The following MIA3 variants were observed in gnomAD, a reference collection of about 807,000 sequenced individuals.
MIA3 encodes transport and Golgi organization protein 1 homolog.
MIA3 carries 90 observed loss-of-function variants against 192.4 expected under a neutral mutation model. The ratio of observed to expected loss-of-function variants is 0.47; its 90% confidence interval spans 0.39 to 0.56. The LOEUF is 0.56. Among genes scored for constraint, MIA3 ranks in the 20% least tolerant of loss-of-function variants. The pLI is 0.00. For missense variants in MIA3, 2,123 were observed against 2,269.4 expected (o/e 0.94, Z 1.31); for synonymous variants, 740 against 792.8 (o/e 0.93, Z 1.12).
rs192437452 is a variant in MIA3 at position 222,658,869 on chromosome 1, T to G, written c.4709+46T>G. The stretch of plus-strand genomic sequence containing the variant: ...GGGTATCAGTGGCTAATGAAACTAG[T>G]GTTGGCTTTTTTTATTAGCACAAAA... On this transcript the variant is annotated intron_variant, in intron 19 of 27. Coordinates refer to ENST00000344922, the MANE Select transcript of MIA3 (RefSeq NM_198551.4). 20 of 1,311,710 alleles carry G rather than the reference T, an allele frequency of 1.5e-5. No homozygotes were observed. In the African/African-American group the frequency reaches 1.9e-4, roughly 13 times the overall value. The allele number at this position is 1,311,710 out of a possible 1,614,324, so 81.3% of individuals were successfully genotyped here.
At chr1:222,635,089 A>T (rs1410569681) in intron 6 of MIA3, among the ~76,000 whole-genome samples, 2 of 152,228 alleles carry the variant, frequency 1.3e-5, no homozygotes, top group African/African-American at 4.8e-5. Context: ...ATGGAAAACA[A>T]GTAGGAAAAC....
intron 4 of MIA3, 113 bp from the exon 5 acceptor site, chr1:222,632,052 G>A: frequency 3.7e-6 from 3 of 812,946 alleles, no homozygotes; most frequent in African/African-American, 1.7e-5. Context: ...TGTGCTCCAT[G>A]GGATGCCCAT....
intron 2 of MIA3, among the ~76,000 whole-genome samples, chr1:222,623,949 A>G (rs1661992527): frequency 6.6e-6 from 1 of 152,256 alleles, no homozygotes; most frequent in Non-Finnish European, 1.5e-5. Context: ...TACCTGTAAT[A>G]TCGTTTTGGA....
chr1:222,645,679 C>A lies in MIA3; in HGVS notation c.3603C>A (p.Val1201=), dbSNP rs1663104283. ...ASFAIFLWRT[V]LVVKDRVYQV... Reference sequence around the variant, plus strand: ...TTGCCATTTTCTTATGGAGAACTGTCCTTGTTGTGAGTAAATTAATGCATA... The same window carrying A: ...TTGCCATTTTCTTATGGAGAACTGTACTTGTTGTGAGTAAATTAATGCATA... The change falls in exon 7 of 28, where the codon GTC becomes GTA. Residue 1201 remains valine (V), a synonymous_variant. Transcript: ENST00000344922. 2 of 1,613,380 alleles carry A rather than the reference C, an allele frequency of 1.2e-6. No homozygotes were observed. Among genetic ancestry groups the A allele is most frequent in the East Asian group, 4.5e-5 (2 of 44,806 alleles).
rs1404076731 is a variant in MIA3, at chr1:222,621,200, C to G, written c.175C>G (p.Pro59Ala). The G allele has an allele frequency of 6.2e-7, 1 of 1,613,546 alleles. No individual in the cohort carries two copies. The highest frequency in any genetic ancestry group is 8.5e-7 in the Non-Finnish European group (1 of 1,179,814). ...RGEALEDFTG[P>A]DCRFVNFKKG... ...TGAGGCTCTTGAAGATTTCACAGGC[C>G]CGGATTGTCGTTTTGTGAATTTTAA... The change falls in exon 2 of 28, where the codon CCG (proline) becomes GCG (alanine). Residue 59 changes from proline to alanine, a missense_variant. By Grantham distance (27) the Pro-to-Ala change is conservative. Coordinates refer to ENST00000344922, the MANE Select transcript of MIA3 (RefSeq NM_198551.4).
intron 18 of MIA3, among the ~76,000 whole-genome samples, chr1:222,658,242 GT>G (rs1275078956): frequency 6.6e-6 from 1 of 152,212 alleles, no homozygotes; most frequent in Non-Finnish European, 1.5e-5. Context: ...TAATTGTACA[GT>G]TAAGGACATG....
In MIA3 at chr1:222,666,940, A is replaced by G. The variant is rs901498152; in HGVS notation, c.*1321A>G. 1.3e-5 allele frequency: 2 copies of G among 152,194 alleles called. No individual in the cohort carries two copies. Among genetic ancestry groups the G allele is most frequent in the East Asian group, 1.9e-4 (1 of 5,196 alleles). The allele number at this position is 152,194 out of a possible 1,614,324, so 9.4% of individuals were successfully genotyped here. ...TTTTAAGGAGTTTCAGATCCACACT[A>G]AAACTAAAATCATAAAAGGCTGATA... On this transcript the variant is annotated 3_prime_UTR_variant, in exon 28 of 28. Coordinates refer to ENST00000344922, the MANE Select transcript of MIA3 (RefSeq NM_198551.4).
intron 6 of MIA3, chr1:222,641,514 G>T: frequency 2.0e-6 from 1 of 496,656 alleles, no homozygotes; most frequent in Admixed American, 2.1e-5. Context: ...TGGAGAGCTG[G>T]TGGATTTTCT....
At chr1:222,662,180 A>AT (rs554532489) in intron 25 of MIA3, 56 bp downstream of exon 25, 1,169 of 1,470,052 alleles carry the variant, frequency 8.0e-4, no homozygotes, top group Admixed American at 2.2e-3. Context: ...TGGGGAGAGG[A>AT]TTTTTTTTTT....
chr1:222,662,795 T>A (rs1450411926), intron 26 of MIA3: 1 of 163,884 alleles, frequency 6.1e-6, no homozygotes, highest in East Asian at 1.7e-4. Context: ...ATTGTGTAAT[T>A]CATTATTATG....
intron 7 of MIA3, 50 bp from the exon 8 acceptor site, chr1:222,648,779 C>G (rs1366693376): frequency 9.9e-7 from 1 of 1,008,930 alleles, no homozygotes; most frequent in African/African-American, 1.6e-5. Flanking sequence ...CTATATACAT[C>G]TATTAATAAA....
Position 222,666,537 on chromosome 1 carries a change from C to T in MIA3, c.*918C>T, listed in dbSNP as rs909923367. 6.6e-6 allele frequency: 1 copy of T among 151,954 alleles called. No individual in the cohort carries two copies. The highest frequency in any genetic ancestry group is 1.5e-5 in the Non-Finnish European group (1 of 68,004). 9.4% of individuals were successfully genotyped at this position (151,954 alleles called of 1,614,324 possible). A position where few individuals can be genotyped will look rare whatever the true frequency, so the allele number is the denominator to read the frequency against. On this transcript the variant is annotated 3_prime_UTR_variant, in exon 28 of 28. Coordinates refer to ENST00000344922, the MANE Select transcript of MIA3 (RefSeq NM_198551.4). The stretch of plus-strand genomic sequence containing the variant: ...CTTTAAAAATTTTAAAATGTACAGT[C>T]CCTTATCTATCTTTCCCATTCCTTG...
intron 1 of MIA3, among the ~76,000 whole-genome samples, chr1:222,619,113 A>G (rs1405947681): frequency 6.6e-6 from 1 of 152,164 alleles, no homozygotes; most frequent in Non-Finnish European, 1.5e-5. Flanking sequence ...TGGGCGGTGG[A>G]GAGGGCACAG....
In MIA3 at chr1:222,663,312, G is replaced by A. The variant is rs902216763; in HGVS notation, c.5263-686G>A. On this transcript the variant is annotated intron_variant, in intron 26 of 27. Coordinates refer to ENST00000344922, the MANE Select transcript of MIA3 (RefSeq NM_198551.4). ...TCCAAGAGCAGCTTGGATAAGACCC[G>A]AGACCCCTTTGAAGTAGGAGACTTC... is the stretch of plus-strand genomic sequence containing the variant. Among the ~76,000 whole-genome samples the A allele has an allele frequency of 4.6e-5, 7 of 152,096 alleles. No homozygotes were observed. The South Asian group carries it at 1.5e-3, about 32-fold the overall frequency.
intron 18 of MIA3, among the ~76,000 whole-genome samples, chr1:222,657,964 A>T (rs1663821607): frequency 6.6e-6 from 1 of 152,248 alleles, no homozygotes; most frequent in African/African-American, 2.4e-5. Flanking sequence ...TGAGTAAAGA[A>T]GTACAAGGGT....
At position 222,659,543 on chromosome 1, in the gene MIA3, G is replaced by A. The variant is rs755067352; in HGVS notation, c.4770+30G>A. ...TAATTCTAGTGCCCTACTATATAGT[G>A]CCCGGAATTCTTTGATAACTAATAG... On this transcript the variant is annotated intron_variant, in intron 20 of 27. Coordinates refer to ENST00000344922, the MANE Select transcript of MIA3 (RefSeq NM_198551.4). The A allele has an allele frequency of 2.5e-6, 4 of 1,610,702 alleles. No homozygotes were observed. In the Admixed American group the frequency reaches 6.7e-5, roughly 27 times the overall value.
In MIA3 at chr1:222,628,112, T is replaced by G; in HGVS notation, c.892T>G (p.Ser298Ala). ...TGATGAGACAACCAGACTCGTTACTTCATTAGAAGATGATTTTGATGAGGA... is the reference window on the plus strand; with the variant it reads ...TGATGAGACAACCAGACTCGTTACTGCATTAGAAGATGATTTTGATGAGGA... ...SDDETTRLVT[S>A]LEDDFDEELD... The change falls in exon 4 of 28, where the codon TCA becomes GCA. Residue 298 changes from serine (S) to alanine (A), a missense_variant. By Grantham distance (99) the Ser-to-Ala change is moderately conservative. This residue lies in a region of MIA3 where 1,357 missense variants were observed against 1,396.1 expected (regional missense o/e 0.97). Transcript: ENST00000344922. 1 of 1,614,026 alleles carries G rather than the reference T, an allele frequency of 6.2e-7. No individual in the cohort carries two copies. The highest frequency in any genetic ancestry group is 8.5e-7 in the Non-Finnish European group (1 of 1,180,030).
At chr1:222,645,501 G>T in intron 6 of MIA3, 53 bp from the exon 7 acceptor site, 1 of 1,508,706 alleles carries the variant, frequency 6.6e-7, no homozygotes. Flanking sequence ...ACTGCTTTAT[G>T]GTAAGCTTCT....
At chr1:222,644,526 C>G in intron 6 of MIA3, 3 of 1,550,622 alleles carry the variant, frequency 1.9e-6, no homozygotes, top group Non-Finnish European at 2.6e-6. Flanking sequence ...CCCCGGGGGA[C>G]CCGGAACTTG....
Sources: gnomAD v4.1 joint callset for allele counts (sites outside exome capture counted in the v4.1 genomes callset) on GRCh38, gnomAD v4.1.1 for gene constraint, gnomAD v4.1.1 regional missense constraint, MANE v1.5 for transcripts, NCBI Gene and HGNC (gene_info 2026-07-23, HGNC 2026-07-21) for gene names.